The following SMCHD1 variants were observed in gnomAD, a reference collection of about 807,000 sequenced individuals.
SMCHD1 encodes structural maintenance of chromosomes flexible hinge domain-containing protein 1.
SMCHD1 carries 78 observed loss-of-function variants against 254.7 expected under a neutral mutation model. The ratio of observed to expected loss-of-function variants is 0.31; its 90% CI spans 0.26 to 0.37. The LOEUF is 0.37. Among genes scored for constraint, SMCHD1 ranks in the 10% least tolerant of loss-of-function variants. The pLI is 1.00. For missense variants in SMCHD1, 1,840 were observed against 2,408.1 expected, an observed-to-expected ratio of 0.76 and a Z score of 4.94; for synonymous variants, 766 against 794.9, an observed-to-expected ratio of 0.96 and a Z score of 0.61.
intron 19 of SMCHD1, among the ~76,000 whole-genome samples, chr18:2,719,389 A>G (rs1306718859): frequency 6.6e-6 from 1 of 151,322 alleles, no homozygotes; most frequent in Non-Finnish European, 1.5e-5. Context: ...TCTGCCTCCC[A>G]GGTTCAAGCG....
rs67636305 is a variant in SMCHD1 at position 2,728,742 on chromosome 18, GTT to G, written c.2913+157_2913+158del. 139,354 of 524,792 alleles carry G rather than the reference GTT, an allele frequency of 0.27. 11,959 individuals are homozygous for G. Among genetic ancestry groups the G allele is most frequent in the South Asian group, 0.32 (8,859 of 27,620 alleles). 32.5% of individuals were successfully genotyped at this position (524,792 alleles called of 1,614,324 possible). A position where few individuals can be genotyped will look rare whatever the true frequency, so the allele number is the denominator to read the frequency against. On this transcript the variant is annotated intron_variant, in intron 23 of 47. Transcript: ENST00000320876. ...GATTTGTGGGATCTTATTGCCAATA[GTT>G]TTTTTTTTTTAATCGTACCTAAACC... is the stretch of plus-strand genomic sequence containing the variant.
chr18:2,772,409 T>G (rs1306966628), intron 41 of SMCHD1, 37 bp downstream of exon 41: 17 of 1,471,436 alleles, frequency 1.2e-5, no homozygotes, highest in Admixed American at 2.6e-5. Flanking sequence ...GGCAGTACAT[T>G]TTATTATCTT....
chr18:2,746,846 C>T (rs1211245602), intron 29 of SMCHD1, among the ~76,000 whole-genome samples: 2 of 152,172 alleles, frequency 1.3e-5, no homozygotes, highest in African/African-American at 2.4e-5. Context: ...CACTGTGTTT[C>T]CTTTGATGTG....
chr18:2,657,757 A>G (rs560538342), intron 1 of SMCHD1, among the ~76,000 whole-genome samples: 1 of 152,272 alleles, frequency 6.6e-6, no homozygotes, highest in South Asian at 2.1e-4. Flanking sequence ...GAAATGGTCC[A>G]TTTGCTACCA....
intron 19 of SMCHD1, 69 bp from the exon 20 acceptor site, chr18:2,722,450 G>GT: frequency 7.5e-7 from 1 of 1,333,548 alleles, no homozygotes; most frequent in Non-Finnish European, 1.0e-6. Flanking sequence ...AAATGGATCT[G>GT]TTTTTGACCC....
chr18:2,689,583 G>A lies in SMCHD1; in HGVS notation c.873+836G>A, dbSNP rs149668556. On this transcript the variant is annotated intron_variant, in intron 7 of 47. Transcript: ENST00000320876. ...AGTTAGTTTACTTACTATTTTAAGAGATGGGGTCTCACTCTGTCCCTCTGG... is the reference window on the plus strand; with the variant it reads ...AGTTAGTTTACTTACTATTTTAAGAAATGGGGTCTCACTCTGTCCCTCTGG... 2.1e-3 allele frequency among the ~76,000 whole-genome samples: 314 copies of A among 152,050 alleles called. 1 individual carries two copies. Among genetic ancestry groups the A allele is most frequent in the African/African-American group, 7.0e-3 (292 of 41,488 alleles).
chr18:2,685,510 T>A (rs2074032415), intron 5 of SMCHD1, among the ~76,000 whole-genome samples: 1 of 152,202 alleles, frequency 6.6e-6, no homozygotes, highest in African/African-American at 2.4e-5. Flanking sequence ...TGACATTAAT[T>A]ACAGTCACAG....
chr18:2,767,382 GAA>G (rs199974091), intron 37 of SMCHD1, among the ~76,000 whole-genome samples: 2 of 150,986 alleles, frequency 1.3e-5, no homozygotes, highest in Admixed American at 6.6e-5. Flanking sequence ...TTCTGTAGTA[GAA>G]AAAAAAAGTT....
At chr18:2,701,870 G>A (rs1436094205) in intron 12 of SMCHD1, among the ~76,000 whole-genome samples, 1 of 151,906 alleles carries the variant, frequency 6.6e-6, no homozygotes, top group East Asian at 1.9e-4. Flanking sequence ...TAAATACAGT[G>A]CATAGTACAT....
At position 2,655,923 on chromosome 18, in the gene SMCHD1, C is replaced by T; in HGVS notation, c.-153C>T. ...CGGGTGATCCTCGCGCCTGCCGCTGCTCGGCCGCCGCCGCTGACGAGGAGC... is the reference window on the plus strand; with the variant it reads ...CGGGTGATCCTCGCGCCTGCCGCTGTTCGGCCGCCGCCGCTGACGAGGAGC... On this transcript the variant is annotated 5_prime_UTR_variant, in exon 1 of 48. Transcript: ENST00000320876. 4.1e-6 allele frequency: 2 copies of T among 490,680 alleles called. No homozygotes were observed. Among genetic ancestry groups the T allele is most frequent in the South Asian group, 1.1e-4 (1 of 9,364 alleles). 30.4% of individuals were successfully genotyped at this position (490,680 alleles called of 1,614,324 possible).
At chr18:2,678,120 C>G (rs566263608) in intron 5 of SMCHD1, among the ~76,000 whole-genome samples, 1 of 152,254 alleles carries the variant, frequency 6.6e-6, no homozygotes, top group Admixed American at 6.5e-5. Context: ...AGCCCTGTTA[C>G]TAGAGTTTTA....
chr18:2,782,499 A>G (rs956668599), intron 44 of SMCHD1, among the ~76,000 whole-genome samples: 2 of 152,126 alleles, frequency 1.3e-5, no homozygotes, highest in Middle Eastern at 3.4e-3. Context: ...CAGCACTTTG[A>G]GAGGCCAAGG....
chr18:2,658,736 C>CT (rs1455592555), intron 1 of SMCHD1, among the ~76,000 whole-genome samples: 1 of 151,994 alleles, frequency 6.6e-6, no homozygotes, highest in Non-Finnish European at 1.5e-5. Flanking sequence ...AATTAATAAT[C>CT]TGAGATTACA....
intron 23 of SMCHD1, 162 bp downstream of exon 23, chr18:2,728,758 C>A (rs1438571586): frequency 1.1e-5 from 7 of 652,356 alleles, no homozygotes; most frequent in South Asian, 2.7e-5. Flanking sequence ...TTTTTTTAAT[C>A]GTACCTAAAC....
At chr18:2,768,693 A>G (rs2075920439) in intron 37 of SMCHD1, among the ~76,000 whole-genome samples, 2 of 107,418 alleles carry the variant, frequency 1.9e-5, no homozygotes, top group South Asian at 6.9e-4. Flanking sequence ...TACTACTAGT[A>G]TAGTACTATA....
Position 2,692,733 on chromosome 18 carries a change from G to A in SMCHD1, c.874-1794G>A, listed in dbSNP as rs183919557. On this transcript the variant is annotated intron_variant, in intron 7 of 47. Transcript: ENST00000320876. Reference sequence around the variant, plus strand: ...CATCTGCTGGGTGACTGTCACCCTCGTTTTACCTCTGTAGCTCTTGGTTCA... The same window carrying A: ...CATCTGCTGGGTGACTGTCACCCTCATTTTACCTCTGTAGCTCTTGGTTCA... Among the ~76,000 whole-genome samples the A allele has an allele frequency of 2.0e-5, 3 of 152,202 alleles. No homozygotes were observed. In the East Asian group the frequency reaches 5.8e-4, roughly 29 times the overall value.
Position 2,743,843 on chromosome 18 carries a change from G to T in SMCHD1, c.3716G>T (p.Arg1239Leu). Residue 1239 changes from arginine (R) to leucine (L), a missense_variant, in exon 29 of 48, where the codon CGT becomes CTT. Physicochemically the swap from Arg to Leu is moderately radical, Grantham distance 102 (BLOSUM62 -2). This residue lies in a region of SMCHD1 where 881 missense variants were observed against 1,009.5 expected (regional missense o/e 0.87). Transcript: ENST00000320876. ...PGNKDLCFTW[R>L]EFSDFIRVQL... ...AATAAGGATCTTTGTTTTACTTGGC[G>T]TGAGTTTTCTGACTTTATTCGAGTG... is the stretch of plus-strand genomic sequence containing the variant. The T allele has an allele frequency of 6.2e-7, 1 of 1,613,088 alleles. No individual in the cohort carries two copies. Among genetic ancestry groups the T allele is most frequent in the Non-Finnish European group, 8.5e-7 (1 of 1,179,464 alleles).
chr18:2,671,064 G>A (rs1042724751), intron 3 of SMCHD1, among the ~76,000 whole-genome samples: 2 of 150,774 alleles, frequency 1.3e-5, no homozygotes, highest in Admixed American at 1.3e-4. Context: ...AGCCTCCCAA[G>A]TAGCTGGGAT....
intron 2 of SMCHD1, 97 bp downstream of exon 2, chr18:2,666,329 T>C (rs1038064979): frequency 3.4e-6 from 2 of 581,892 alleles, no homozygotes; most frequent in African/African-American, 3.8e-5. Flanking sequence ...CTAAATCTGT[T>C]GATGACTTTT....
Sources: gnomAD v4.1 joint callset for allele counts (sites outside exome capture counted in the v4.1 genomes callset) on GRCh38, gnomAD v4.1.1 for gene constraint, gnomAD v4.1.1 regional missense constraint, MANE v1.5 for transcripts, NCBI Gene and HGNC (gene_info 2026-07-23, HGNC 2026-07-21) for gene names.